Variants in ATP8B4 observed in about 807,000 individuals in gnomAD.
The protein encoded by ATP8B4 is ATPase phospholipid transporting 8B4 (putative), also known as probable phospholipid-transporting ATPase IM.
In ATP8B4, 133 loss-of-function variants were observed where a neutral mutation model predicts 145.6. The ratio of observed to expected loss-of-function variants is 0.91; its 90% CI spans 0.79 to 1.05. The LOEUF is 1.05. ATP8B4 is among the 50% of genes least tolerant of loss of function. The pLI, the probability that ATP8B4 is intolerant of heterozygous loss-of-function variation, is 0.00. For synonymous variants in ATP8B4, 507 were observed against 492.9 expected, an observed-to-expected ratio of 1.03 and a Z score of -0.38; for missense variants, 1,458 against 1,425.2, an observed-to-expected ratio of 1.02 and a Z score of -0.37.
At chr15:50,087,624 C>T (rs958880050) in intron 2 of ATP8B4, among the ~76,000 whole-genome samples, 1 of 151,614 alleles carries the variant, frequency 6.6e-6, no homozygotes, top group African/African-American at 2.4e-5. Flanking sequence ...GAGCATAAAC[C>T]TACTTATAGC....
intron 2 of ATP8B4, among the ~76,000 whole-genome samples, chr15:50,084,090 T>C (rs999043543): frequency 6.6e-6 from 1 of 152,028 alleles, no homozygotes; most frequent in African/African-American, 2.4e-5. Flanking sequence ...ATACAAACCA[T>C]GGAGTGTGCA....
At chr15:50,136,103 G>C (rs2044118281) in intron 1 of ATP8B4, among the ~76,000 whole-genome samples, 1 of 152,126 alleles carries the variant, frequency 6.6e-6, no homozygotes, top group Admixed American at 6.5e-5. Context: ...GTGATGTTAA[G>C]CATGCCCATT....
chr15:50,000,949 T>G lies in ATP8B4; in HGVS notation c.506+1204A>C, dbSNP rs531691583. Among the ~76,000 whole-genome samples, 4 of 152,230 alleles carry G rather than the reference T, an allele frequency of 2.6e-5. No homozygotes were observed. The East Asian group carries it at 5.8e-4, about 22-fold the overall frequency. ...GTCCATTTCTTCTAAATTGTCAAAT[T>G]TATGTGTGCACAGTTGTTTGTAGTA... On this transcript the variant is annotated intron_variant, in intron 8 of 27. Coordinates refer to ENST00000284509, the MANE Select transcript of ATP8B4 (RefSeq NM_024837.4).
At chr15:50,037,336 G>C (rs886878151) in intron 6 of ATP8B4, among the ~76,000 whole-genome samples, 1 of 152,140 alleles carries the variant, frequency 6.6e-6, no homozygotes, top group African/African-American at 2.4e-5. Context: ...AGAAAGTCAA[G>C]ATATGCAACA....
At chr15:50,102,943 A>T (rs918321397) in intron 2 of ATP8B4, among the ~76,000 whole-genome samples, 3 of 152,126 alleles carry the variant, frequency 2.0e-5, no homozygotes, top group Non-Finnish European at 4.4e-5. Flanking sequence ...TTTAACATAC[A>T]CAAGTCAATA....
At chr15:49,918,783 T>C in intron 19 of ATP8B4, 56 bp downstream of exon 19, 1 of 1,280,794 alleles carries the variant, frequency 7.8e-7, no homozygotes, top group Non-Finnish European at 1.1e-6. Context: ...TAAAATTTTG[T>C]GATATAAGTC....
chr15:50,009,171 G>T (rs990598893), intron 7 of ATP8B4: 1 of 152,138 alleles, frequency 6.6e-6, no homozygotes, highest in Non-Finnish European at 1.5e-5. Context: ...CTTAGACAAA[G>T]AACCCTGAAT....
At chr15:49,924,649 A>C (rs370348600) in intron 16 of ATP8B4, among the ~76,000 whole-genome samples, 1 of 152,300 alleles carries the variant, frequency 6.6e-6, no homozygotes, top group Non-Finnish European at 1.5e-5. Flanking sequence ...ACACTTATCT[A>C]TTCTAGTTTC....
At chr15:50,077,482 G>C (rs1033153706) in intron 2 of ATP8B4, among the ~76,000 whole-genome samples, 1 of 152,168 alleles carries the variant, frequency 6.6e-6, no homozygotes, top group African/African-American at 2.4e-5. Flanking sequence ...AATAACTCTA[G>C]CCAAAAGAAT....
intron 14 of ATP8B4, among the ~76,000 whole-genome samples, chr15:49,947,721 T>C (rs1363819495): frequency 3.3e-5 from 5 of 152,028 alleles, no homozygotes; most frequent in African/African-American, 1.2e-4. Context: ...ATTTCAAACA[T>C]GTTACAAGCT....
rs537316034 is a variant in ATP8B4 at position 49,980,469 on chromosome 15, G to A, written c.838-656C>T. 3.3e-5 allele frequency among the ~76,000 whole-genome samples: 5 copies of A among 152,262 alleles called. No homozygotes were observed. In the East Asian group the frequency reaches 9.6e-4, roughly 29 times the overall value. ...ACAAAGACTAGATAGTATATCAATA[G>A]TATGAGGTAGCACAGGATTAACTGA... On this transcript the variant is annotated intron_variant, in intron 11 of 27. Transcript: ENST00000284509.
intron 14 of ATP8B4, among the ~76,000 whole-genome samples, chr15:49,943,827 A>G (rs2042355296): frequency 6.6e-6 from 1 of 152,238 alleles, no homozygotes; most frequent in Non-Finnish European, 1.5e-5. Flanking sequence ...AGAATACTGT[A>G]TTACTGTAAT....
Position 50,103,026 on chromosome 15 carries a change from T to C in ATP8B4, c.28+3913A>G, listed in dbSNP as rs190015937. ...CATCTCAATAGATGCAGAAAAAGTATTTGACAAAATCCAGCATCCCTTTAT... is the reference window on the plus strand; with the variant it reads ...CATCTCAATAGATGCAGAAAAAGTACTTGACAAAATCCAGCATCCCTTTAT... On this transcript the variant is annotated intron_variant, in intron 2 of 27. Transcript: ENST00000284509. Among the ~76,000 whole-genome samples the C allele has an allele frequency of 1.1e-4, 16 of 152,196 alleles. No individual in the cohort carries two copies. The East Asian group carries it at 3.1e-3, about 29-fold the overall frequency.
intron 1 of ATP8B4, among the ~76,000 whole-genome samples, chr15:50,142,502 C>T (rs1010690186): frequency 1.1e-4 from 17 of 152,184 alleles, no homozygotes; most frequent in East Asian, 5.8e-4. Context: ...TTTAACCCTA[C>T]GGATCTGTTT....
intron 14 of ATP8B4, among the ~76,000 whole-genome samples, chr15:49,953,575 G>C (rs1375962592): frequency 1.3e-5 from 2 of 152,194 alleles, no homozygotes; most frequent in Admixed American, 6.5e-5. Context: ...CAGGGGAAAA[G>C]TGCATCCTGG....
At chr15:50,017,813 A>G (rs184294498) in intron 6 of ATP8B4, among the ~76,000 whole-genome samples, 80 of 152,310 alleles carry the variant, frequency 5.3e-4, no homozygotes, top group African/African-American at 1.8e-3. Context: ...TACAGCACAA[A>G]GTACAATTAA....
At position 50,160,126 on chromosome 15, in the gene ATP8B4, A is replaced by T. The variant is rs1249768275; in HGVS notation, c.-43+22135T>A. Among the ~76,000 whole-genome samples, 3 of 137,928 alleles carry T rather than the reference A, an allele frequency of 2.2e-5. 1 individual carries two copies. The allele number at this position is 137,928 out of a possible 152,430, so 90.5% of individuals were successfully genotyped here. On this transcript the variant is annotated intron_variant, in intron 1 of 3. Transcript: ENST00000558829. ...GATTTCTGCATGGTTAAATCTTGGT[A>T]GGTTGTATATGTCTAGGAATCTATC... is the stretch of plus-strand genomic sequence containing the variant.
chr15:50,095,565 T>A (rs28492371), intron 2 of ATP8B4, among the ~76,000 whole-genome samples: 2 of 151,974 alleles, frequency 1.3e-5, no homozygotes, highest in East Asian at 1.9e-4. Context: ...AAGACAAACC[T>A]GAACAGTATA....
intron 20 of ATP8B4, among the ~76,000 whole-genome samples, chr15:49,913,728 GAAGTACCTGAGA>G (rs1416175645): frequency 6.6e-6 from 1 of 152,152 alleles, no homozygotes; most frequent in Non-Finnish European, 1.5e-5. Context: ...CACCAATAAT[GAAGTACCTGAGA>G]AAGTACCTGA....
Sources: allele counts gnomAD v4.1 joint callset (sites outside exome capture counted in the v4.1 genomes callset), GRCh38; gene constraint gnomAD v4.1.1; transcripts MANE v1.5; gene names NCBI Gene and HGNC (gene_info 2026-07-23, HGNC 2026-07-21).